The following ABCA13 variants were observed in gnomAD, a reference collection of about 807,000 sequenced individuals.
ABCA13 encodes the protein ATP binding cassette subfamily A member 13.
Under a neutral mutation model 478.7 loss-of-function variants are expected in ABCA13, and 476 were observed. The ratio of observed to expected loss-of-function variants is 0.99; its 90% CI spans 0.92 to 1.07. The LOEUF (loss-of-function observed/expected upper bound fraction) is 1.07. Ranked by LOEUF, ABCA13 falls within the 50% of genes least tolerant of loss-of-function variation. The pLI is 0.00. For synonymous variants in ABCA13, 2,252 were observed against 2,158.9 expected, an observed-to-expected ratio of 1.04 and a Z score of -1.20; for missense variants, 6,060 against 5,910.6, an observed-to-expected ratio of 1.03 and a Z score of -0.83.
intron 52 of ABCA13, among the ~76,000 whole-genome samples, 199 bp from the exon 53 acceptor site, chr7:48,519,842 G>A (rs1832409509): frequency 6.6e-6 from 1 of 152,128 alleles, no homozygotes; most frequent in African/African-American, 2.4e-5. Context: ...ACCTTGAAAG[G>A]CAAATACCAG....
intron 42 of ABCA13, among the ~76,000 whole-genome samples, chr7:48,445,623 C>G (rs1824196863): frequency 6.6e-6 from 1 of 152,164 alleles, no homozygotes; most frequent in Non-Finnish European, 1.5e-5. Context: ...GCAGAGTCTT[C>G]TTCAACTTGC....
At chr7:48,621,553 A>C (rs1240166749) in intron 59 of ABCA13, among the ~76,000 whole-genome samples, 1 of 152,188 alleles carries the variant, frequency 6.6e-6, no homozygotes, top group Non-Finnish European at 1.5e-5. Flanking sequence ...AGGAGGTTTA[A>C]TACTGCCAAA....
In ABCA13 at chr7:48,387,854, C is replaced by T; in HGVS notation, c.11368C>T (p.Pro3790Ser). ...TGGTTTACGGAAACCATGGTATTTC[C>T]CCTTTACTGCCTCATATTGGAAGAG... ...TFGLRKPWYF[P>S]FTASYWKSVG... The change falls in exon 36 of 62, where the codon CCC becomes TCC. Residue 3790 changes from proline to serine, a missense_variant. Coordinates refer to ENST00000435803, the MANE Select transcript of ABCA13 (RefSeq NM_152701.5). 1 of 1,601,020 alleles carries T rather than the reference C, an allele frequency of 6.2e-7. No homozygotes were observed. Among genetic ancestry groups the T allele is most frequent in the Non-Finnish European group, 8.5e-7 (1 of 1,174,730 alleles).
At chr7:48,514,422 A>G (rs996301475) in intron 51 of ABCA13, among the ~76,000 whole-genome samples, 1 of 152,208 alleles carries the variant, frequency 6.6e-6, no homozygotes, top group Non-Finnish European at 1.5e-5. Flanking sequence ...GGACTGTCAC[A>G]TGGAAAAGAA....
In ABCA13 at chr7:48,352,264, C is replaced by T. The variant is rs376643039; in HGVS notation, c.10465C>T (p.Arg3489Trp). The change falls in exon 31 of 62, where the codon CGG becomes TGG. Residue 3489 changes from arginine (R) to tryptophan (W), a missense_variant. Arg to Trp is a moderately radical substitution (Grantham distance 101, BLOSUM62 -3). Around this residue, in one of 3 missense-constraint regions of ABCA13, gnomAD observed 4,423 missense variants for 4,309.1 expected, o/e 1.03. Transcript: ENST00000435803. ...GCCACCCCATGTCTCATACACAATCCGGACCAATGTGTTATACAGCGTGCG... is the reference window on the plus strand; with the variant it reads ...GCCACCCCATGTCTCATACACAATCTGGACCAATGTGTTATACAGCGTGCG... ...KLPPHVSYTIRTNVLYSVRTD... is the reference protein window; with the variant it reads ...KLPPHVSYTIWTNVLYSVRTD... 41 of 1,613,760 alleles carry T rather than the reference C, an allele frequency of 2.5e-5. No homozygotes were observed. The Middle Eastern group carries it at 8.3e-4, about 32-fold the overall frequency.
intron 27 of ABCA13, among the ~76,000 whole-genome samples, chr7:48,331,717 C>T (rs1805431410): frequency 6.6e-6 from 1 of 152,200 alleles, no homozygotes; most frequent in Non-Finnish European, 1.5e-5. Flanking sequence ...GCCATTGATA[C>T]AGTTCACTTG....
chr7:48,462,720 G>C (rs1450379568), intron 43 of ABCA13, among the ~76,000 whole-genome samples: 1 of 152,122 alleles, frequency 6.6e-6, no homozygotes, highest in Non-Finnish European at 1.5e-5. Context: ...TGCTGGCCAG[G>C]CTGGTCGCGA....
At chr7:48,376,034 T>C (rs754911160) in intron 34 of ABCA13, among the ~76,000 whole-genome samples, 13 of 152,192 alleles carry the variant, frequency 8.5e-5, no homozygotes, top group Admixed American at 2.6e-4. Context: ...CTAGTTCTTA[T>C]ATATCCTATT....
At chr7:48,371,039 C>CT (rs1333067337) in intron 32 of ABCA13, among the ~76,000 whole-genome samples, 2 of 152,114 alleles carry the variant, frequency 1.3e-5, no homozygotes, top group African/African-American at 4.8e-5. Context: ...ATAGGGAACC[C>CT]TTTCCCCATT....
chr7:48,630,855 C>T (rs114013090), intron 59 of ABCA13, among the ~76,000 whole-genome samples: 2 of 150,816 alleles, frequency 1.3e-5, no homozygotes, highest in Non-Finnish European at 2.9e-5. Context: ...CATCCTGACT[C>T]GTGTGAAATA....
intron 3 of ABCA13, among the ~76,000 whole-genome samples, chr7:48,203,913 C>T (rs1002172431): frequency 6.6e-6 from 1 of 152,170 alleles, no homozygotes; most frequent in Non-Finnish European, 1.5e-5. Flanking sequence ...CCATTTCCTA[C>T]TGGTCTCATT....
chr7:48,232,817 A>T (rs2128996495), intron 7 of ABCA13, among the ~76,000 whole-genome samples: 1 of 152,282 alleles, frequency 6.6e-6, no homozygotes, highest in South Asian at 2.1e-4. Context: ...ACCAGTAGAG[A>T]TTAATAGTTA....
chr7:48,344,948 G>A (rs763270325), intron 29 of ABCA13, among the ~76,000 whole-genome samples: 53 of 152,306 alleles, frequency 3.5e-4, no homozygotes, highest in East Asian at 1.2e-3. Flanking sequence ...TCTGCCCAGT[G>A]TCCTAAGACC....
At chr7:48,381,211 A>G (rs927976724) in intron 35 of ABCA13, among the ~76,000 whole-genome samples, 4 of 151,934 alleles carry the variant, frequency 2.6e-5, no homozygotes, top group Admixed American at 2.6e-4. Flanking sequence ...TTATCTCCTG[A>G]TTTGTTGGCA....
chr7:48,194,995 T>C (rs1797741547), intron 2 of ABCA13, among the ~76,000 whole-genome samples: 2 of 152,160 alleles, frequency 1.3e-5, no homozygotes, highest in African/African-American at 4.8e-5. Context: ...AAAATTGCCA[T>C]GATGGGATTT....
At chr7:48,260,139 A>T (rs1195003378) in intron 15 of ABCA13, among the ~76,000 whole-genome samples, 1 of 152,044 alleles carries the variant, frequency 6.6e-6, no homozygotes, top group East Asian at 1.9e-4. Flanking sequence ...CTGGTTAAGA[A>T]CATTTGCTGG....
Position 48,405,440 on chromosome 7 carries a change from G to T in ABCA13, c.12070+1561G>T, listed in dbSNP as rs143469863. Among the ~76,000 whole-genome samples, 138 of 152,352 alleles carry T rather than the reference G, an allele frequency of 9.1e-4. 3 individuals carry two copies. In the East Asian group the frequency reaches 0.025, roughly 28 times the overall value. On this transcript the variant is annotated intron_variant, in intron 39 of 61. Transcript: ENST00000435803. ...AAGACTCCTGACTCCATTTACCTAA[G>T]TGTCTCTTGGGGAAAGACATAGAAA...
chr7:48,444,330 G>A lies in ABCA13; in HGVS notation c.12566-10707G>A, dbSNP rs140219619. ...GAGACAAGCTGTGACTTGCATCGTCGTCTCTCACTTGAGCCTCGGTCAACT... is the reference window on the plus strand; with the variant it reads ...GAGACAAGCTGTGACTTGCATCGTCATCTCTCACTTGAGCCTCGGTCAACT... On this transcript the variant is annotated intron_variant, in intron 42 of 61. Transcript: ENST00000435803. Among the ~76,000 whole-genome samples, 645 of 152,092 alleles carry A rather than the reference G, an allele frequency of 4.2e-3. 8 individuals are homozygous for A. The highest frequency in any genetic ancestry group is 6.3e-3 in the Non-Finnish European group (431 of 67,990).
chr7:48,221,056 C>T (rs1787290478), intron 4 of ABCA13, among the ~76,000 whole-genome samples: 1 of 151,910 alleles, frequency 6.6e-6, no homozygotes, highest in South Asian at 2.1e-4. Flanking sequence ...TTTGGTTTAC[C>T]AGTTAAATTT....
Sources: gnomAD v4.1 joint callset for allele counts (sites outside exome capture counted in the v4.1 genomes callset) on GRCh38, gnomAD v4.1.1 for gene constraint, gnomAD v4.1.1 regional missense constraint, MANE v1.5 for transcripts, NCBI Gene and HGNC (gene_info 2026-07-23, HGNC 2026-07-21) for gene names.